The following FOXK1 variants were observed in gnomAD, a reference collection of about 807,000 sequenced individuals.
The protein encoded by FOXK1 is forkhead box protein K1.
FOXK1 carries 19 observed loss-of-function variants against 51.9 expected under a neutral mutation model. The ratio of observed to expected loss-of-function variants is 0.37; its 90% confidence interval spans 0.26 to 0.54. FOXK1 has a LOEUF of 0.54. Among genes scored for constraint, FOXK1 ranks in the 20% least tolerant of loss-of-function variants. The pLI is 0.87. For missense variants in FOXK1, 870 were observed against 1,032.7 expected, an observed-to-expected ratio of 0.84 and a Z score of 2.16; for synonymous variants, 537 against 482.6, an observed-to-expected ratio of 1.11 and a Z score of -1.48.
chr7:4,734,224 C>A lies in FOXK1; in HGVS notation c.561-6614C>A, dbSNP rs561408486. On this transcript the variant is annotated intron_variant, in intron 1 of 8. Coordinates refer to ENST00000328914, the MANE Select transcript of FOXK1 (RefSeq NM_001037165.2). The surrounding 1 kb of genome is among the most constrained non-coding windows in gnomAD (Gnocchi z 5.2). ...TTGTGTGGGGTGACTCTATCTCAAG[C>A]CGTAGGCCTCCCAGACAGAGCCTCT... 5.3e-5 allele frequency among the ~76,000 whole-genome samples: 8 copies of A among 152,332 alleles called. No homozygotes were observed. Among genetic ancestry groups the A allele is most frequent in the African/African-American group, 1.9e-4 (8 of 41,580 alleles).
Position 4,756,990 on chromosome 7 carries a change from G to A in FOXK1, c.1051-4G>A, listed in dbSNP as rs746702628. 1.9e-6 allele frequency: 3 copies of A among 1,612,636 alleles called. No individual in the cohort carries two copies. Among genetic ancestry groups the A allele is most frequent in the Non-Finnish European group, 2.5e-6 (3 of 1,179,530 alleles). ...GATGGGTGAATATCTCTGCTTCCCT[G>A]CAGAATTCTATCCGGCACAACCTCT... On this transcript the variant is annotated splice_polypyrimidine_tract_variant and splice_region_variant and intron_variant, in intron 4 of 8. Transcript: ENST00000328914. This position sits in a 1 kb window ranked among gnomAD's most constrained non-coding sequence, Gnocchi z 4.1.
chr7:4,758,410 TCTC>T lies in FOXK1; in HGVS notation c.1245-638_1245-636del, dbSNP rs1459396545. On this transcript the variant is annotated intron_variant, in intron 5 of 8. Coordinates refer to ENST00000328914, the MANE Select transcript of FOXK1 (RefSeq NM_001037165.2). This position sits in a 1 kb window ranked among gnomAD's most constrained non-coding sequence, Gnocchi z 4.4. Reference sequence around the variant, plus strand: ...CCCGTCCCAGGTGTCGAGGAGGAGATCTCCTGAGCGGCAGTCTCGGAAATCCTT... The same window carrying T: ...CCCGTCCCAGGTGTCGAGGAGGAGATCTGAGCGGCAGTCTCGGAAATCCTT... 6.6e-6 allele frequency: 1 copy of T among 152,264 alleles called. No homozygotes were observed. The highest frequency in any genetic ancestry group is 1.5e-5 in the Non-Finnish European group (1 of 68,130). The allele number at this position is 152,264 out of a possible 1,614,324, so 9.4% of individuals were successfully genotyped here. A position where few individuals can be genotyped will look rare whatever the true frequency, so the allele number is the denominator to read the frequency against.
rs542971786 is a variant in FOXK1 at position 4,761,457 on chromosome 7, G to A, written c.1921+169G>A. 1.3e-5 allele frequency among the ~76,000 whole-genome samples: 2 copies of A among 152,288 alleles called. No individual in the cohort carries two copies. The highest frequency in any genetic ancestry group is 6.5e-5 in the Admixed American group (1 of 15,302). The stretch of plus-strand genomic sequence containing the variant: ...GGGTAATGCAAAGAAAAAGAGGGTG[G>A]AAGGGGCCACCTATCATCCCAGCAC... On this transcript the variant is annotated intron_variant, in intron 8 of 8. Coordinates refer to ENST00000328914, the MANE Select transcript of FOXK1 (RefSeq NM_001037165.2). This position sits in a 1 kb window ranked among gnomAD's most constrained non-coding sequence, Gnocchi z 6.2.
At chr7:4,719,026 C>A (rs988220810) in intron 1 of FOXK1, among the ~76,000 whole-genome samples, 1 of 152,170 alleles carries the variant, frequency 6.6e-6, no homozygotes, top group Non-Finnish European at 1.5e-5. Flanking sequence ...TCAGTCTGAT[C>A]TCGAACTCCC....
At chr7:4,719,446 T>C (rs1780281132) in intron 1 of FOXK1, among the ~76,000 whole-genome samples, 1 of 151,522 alleles carries the variant, frequency 6.6e-6, no homozygotes, top group Non-Finnish European at 1.5e-5. Context: ...AGGGAGTAGG[T>C]AGCTGTCTTA....
chr7:4,721,203 C>A (rs1410525390), intron 1 of FOXK1, among the ~76,000 whole-genome samples: 1 of 152,324 alleles, frequency 6.6e-6, no homozygotes, highest in African/African-American at 2.4e-5. Context: ...TGGCTCAATG[C>A]AGCAGCTCAG....
intron 1 of FOXK1, among the ~76,000 whole-genome samples, chr7:4,689,152 AT>A (rs1210255645): frequency 4.0e-5 from 6 of 151,802 alleles, no homozygotes; most frequent in Non-Finnish European, 8.8e-5. Context: ...TAATTTTTGT[AT>A]TTTTAGTAGA....
chr7:4,682,656 C>A lies in FOXK1; in HGVS notation c.348C>A (p.Phe116Leu). 1 of 1,575,644 alleles carries A rather than the reference C, an allele frequency of 6.3e-7. No individual in the cohort carries two copies. Among genetic ancestry groups the A allele is most frequent in the South Asian group, 1.2e-5 (1 of 86,910 alleles). Residue 116 changes from phenylalanine to leucine, a missense_variant, in exon 1 of 9, where the codon TTC (phenylalanine) becomes TTA (leucine). This residue lies in a region of FOXK1 where 399 missense variants were observed against 475.6 expected (regional missense o/e 0.84). Coordinates refer to ENST00000328914, the MANE Select transcript of FOXK1 (RefSeq NM_001037165.2). This position sits in a 1 kb window ranked among gnomAD's most constrained non-coding sequence, Gnocchi z 7.6. The stretch of plus-strand genomic sequence containing the variant: ...GGCTGGAGGGCCGCGAGTTCGAGTT[C>A]CTCATGCGCCAGCCCAGCGTCACCA... Reference protein sequence around the residue: ...LARLEGREFEFLMRQPSVTIG... With the variant: ...LARLEGREFELLMRQPSVTIG...
rs764284651 is a variant in FOXK1, at chr7:4,761,212, C to A, written c.1845C>A (p.His615Gln). 7 of 1,613,184 alleles carry A rather than the reference C, an allele frequency of 4.3e-6. No homozygotes were observed. The highest frequency in any genetic ancestry group is 5.9e-6 in the Non-Finnish European group (7 of 1,180,030). The change falls in exon 8 of 9, where the codon CAC (histidine) becomes CAA (glutamine). Residue 615 changes from histidine (H) to glutamine (Q), a missense_variant. By Grantham distance (24) the His-to-Gln change is conservative. Coordinates refer to ENST00000328914, the MANE Select transcript of FOXK1 (RefSeq NM_001037165.2). The surrounding 1 kb of genome is among the most constrained non-coding windows in gnomAD (Gnocchi z 6.2). Reference sequence around the variant, plus strand: ...CCACACCCGTGACCCTCGGGCAGCACCACCTTCCAGTCCGGGCCGTGACCC... The same window carrying A: ...CCACACCCGTGACCCTCGGGCAGCAACACCTTCCAGTCCGGGCCGTGACCC... ...QPATPVTLGQ[H>Q]HLPVRAVTQN... is the part of the protein sequence containing the mutation.
Position 4,682,991 on chromosome 7 carries a change from C to G in FOXK1, c.560+123C>G. ...GCCTCGACCCCCACCCCCCGGCCCA[C>G]CCCCGGTAACCCCCGACCGGCCTGG... On this transcript the variant is annotated intron_variant, in intron 1 of 8. Transcript: ENST00000328914. The surrounding 1 kb of genome is among the most constrained non-coding windows in gnomAD (Gnocchi z 7.6). 1 of 983,230 alleles carries G rather than the reference C, an allele frequency of 1.0e-6. No individual in the cohort carries two copies. Among genetic ancestry groups the G allele is most frequent in the Non-Finnish European group, 1.4e-6 (1 of 710,680 alleles). The allele number at this position is 983,230 out of a possible 1,614,324, so 60.9% of individuals were successfully genotyped here.
Position 4,759,289 on chromosome 7 carries a change from C to T in FOXK1, c.1412-22C>T, listed in dbSNP as rs368436854. ...GTGGGGGTGCGGGAGGGGTCACCGTCCGCTCTCCGCCCTCCGTGCAGGCTC... is the reference window on the plus strand; with the variant it reads ...GTGGGGGTGCGGGAGGGGTCACCGTTCGCTCTCCGCCCTCCGTGCAGGCTC... On this transcript the variant is annotated intron_variant, in intron 6 of 8. Coordinates refer to ENST00000328914, the MANE Select transcript of FOXK1 (RefSeq NM_001037165.2). The T allele has an allele frequency of 1.7e-4, 280 of 1,602,008 alleles. 1 individual carries two copies. In the African/African-American group the frequency reaches 3.2e-3, roughly 18 times the overall value.
intron 1 of FOXK1, among the ~76,000 whole-genome samples, chr7:4,719,668 G>T (rs1215310677): frequency 6.7e-6 from 1 of 150,144 alleles, no homozygotes; most frequent in African/African-American, 2.4e-5. Flanking sequence ...TTTTAGTAGA[G>T]ATGGGGTTTC....
At chr7:4,705,999 TATAC>T in intron 1 of FOXK1, among the ~76,000 whole-genome samples, 1 of 103,754 alleles carries the variant, frequency 9.6e-6, no homozygotes, top group African/African-American at 7.2e-5. Flanking sequence ...TATACGTATA[TATAC>T]GTATATATAC....
chr7:4,728,730 GAAAAAAAAA>G (rs67143977), intron 1 of FOXK1, among the ~76,000 whole-genome samples: 5 of 103,896 alleles, frequency 4.8e-5, no homozygotes, highest in South Asian at 3.4e-4. Context: ...GTCTCTTTTT[GAAAAAAAAA>G]AAAAAAAAAA....
rs1354570318 is a variant in FOXK1, at chr7:4,743,418, C to T, written c.746+2395C>T. On this transcript the variant is annotated intron_variant, in intron 2 of 8. Transcript: ENST00000328914. This position sits in a 1 kb window ranked among gnomAD's most constrained non-coding sequence, Gnocchi z 5.3. ...TACAAAAATCAGCCAGGCATGGTGC[C>T]ATATGTCTGTAATCCCAGCTACTCG... is the stretch of plus-strand genomic sequence containing the variant. Among the ~76,000 whole-genome samples the T allele has an allele frequency of 2.0e-5, 3 of 152,086 alleles. No individual in the cohort carries two copies. Among genetic ancestry groups the T allele is most frequent in the Non-Finnish European group, 4.4e-5 (3 of 68,020 alleles).
At chr7:4,695,766 G>A (rs923378497) in intron 1 of FOXK1, among the ~76,000 whole-genome samples, 7 of 152,104 alleles carry the variant, frequency 4.6e-5, no homozygotes, top group South Asian at 4.1e-4. Context: ...GAGAAACCCC[G>A]TCTCTACTAA....
At chr7:4,757,875 C>T (rs1243779929) in intron 5 of FOXK1, 1 of 152,036 alleles carries the variant, frequency 6.6e-6, no homozygotes, top group East Asian at 1.9e-4. Flanking sequence ...CGAGGGGTGA[C>T]TGCTGGTTTC....
Position 4,735,504 on chromosome 7 carries a change from C to T in FOXK1, c.561-5334C>T, listed in dbSNP as rs140434729. On this transcript the variant is annotated intron_variant, in intron 1 of 8. Coordinates refer to ENST00000328914, the MANE Select transcript of FOXK1 (RefSeq NM_001037165.2). The surrounding 1 kb of genome is among the most constrained non-coding windows in gnomAD (Gnocchi z 4.7). ...AACCCCCTAGCTCTTAGTCATTCTC[C>T]GTCCCCCCTGCCTGTCCCACCCGTC... 6.6e-5 allele frequency among the ~76,000 whole-genome samples: 10 copies of T among 152,276 alleles called. No individual in the cohort carries two copies. The East Asian group carries it at 1.7e-3, about 26-fold the overall frequency.
intron 1 of FOXK1, among the ~76,000 whole-genome samples, chr7:4,692,884 A>T (rs1457214921): frequency 6.6e-6 from 1 of 152,070 alleles, no homozygotes; most frequent in East Asian, 1.9e-4. Flanking sequence ...GCACCACCAG[A>T]CCAGCTAATT....
Sources: allele counts gnomAD v4.1 joint callset (sites outside exome capture counted in the v4.1 genomes callset), GRCh38; gene constraint gnomAD v4.1.1; regional missense constraint gnomAD v4.1.1; non-coding constraint Gnocchi (gnomAD v3.1); transcripts MANE v1.5; gene names NCBI Gene and HGNC (gene_info 2026-07-23, HGNC 2026-07-21).